Variants in GPHN observed in about 807,000 individuals in gnomAD.
The protein encoded by GPHN is gephyrin.
GPHN carries 17 observed loss-of-function variants against 95.5 expected under a neutral mutation model. The ratio of observed to expected loss-of-function variants is 0.18; its 90% CI spans 0.12 to 0.27. The LOEUF (loss-of-function observed/expected upper bound fraction) is 0.27. Ranked by LOEUF, GPHN falls within the 10% of genes least tolerant of loss-of-function variation. GPHN has a pLI of 1.00. For missense variants in GPHN, 660 were observed against 978.1 expected (o/e 0.67, Z 4.34); for synonymous variants, 320 against 322.5 (o/e 0.99, Z 0.08).
chr14:67,313,661 CATTT>C, the GPHN span, among the ~76,000 whole-genome samples: 2 of 152,080 alleles, frequency 1.3e-5, no homozygotes, highest in Non-Finnish European at 2.9e-5. Context: ...ATAATTCATC[CATTT>C]ATTTGTTAAT....
chr14:66,700,032 C>T (rs143334189), intron 2 of GPHN, among the ~76,000 whole-genome samples: 2 of 152,178 alleles, frequency 1.3e-5, no homozygotes, highest in East Asian at 1.9e-4. Context: ...CATATAGGAA[C>T]TTTTCCTTTT....
the GPHN span, among the ~76,000 whole-genome samples, chr14:67,432,790 C>A: frequency 2.0e-5 from 3 of 151,856 alleles, no homozygotes; most frequent in Non-Finnish European, 4.4e-5. Flanking sequence ...TGCCGGCAAC[C>A]TGGGTGGTCC....
At chr14:67,636,463 G>A in the GPHN span, among the ~76,000 whole-genome samples, 18 of 152,338 alleles carry the variant, frequency 1.2e-4, no homozygotes, top group Admixed American at 9.2e-4. Context: ...GTGTAGCACA[G>A]TGTGGTGTGT....
chr14:66,700,111 C>T (rs1244218777), intron 2 of GPHN, among the ~76,000 whole-genome samples: 1 of 152,036 alleles, frequency 6.6e-6, no homozygotes, highest in Non-Finnish European at 1.5e-5. Context: ...AATCTACTTA[C>T]AGAAAAATTT....
At chr14:67,522,253 C>A in the GPHN span, among the ~76,000 whole-genome samples, 1 of 152,162 alleles carries the variant, frequency 6.6e-6, no homozygotes, top group Non-Finnish European at 1.5e-5. Context: ...ATCCCCGTAC[C>A]CGCTCCTCTC....
chr14:67,358,681 C>A, the GPHN span, among the ~76,000 whole-genome samples: 5,213 of 152,182 alleles, frequency 0.034, 110 homozygotes, highest in East Asian at 0.06. Context: ...GCCTGGGAGA[C>A]CCTGTCTCTT....
At chr14:67,112,884 A>G in intron 15 of GPHN, 134 bp from the exon 16 acceptor site, 2 of 743,550 alleles carry the variant, frequency 2.7e-6, no homozygotes, top group Non-Finnish European at 4.7e-6. Flanking sequence ...CCTTCAATTC[A>G]TTGTTTTCCT....
intron 4 of GPHN, among the ~76,000 whole-genome samples, chr14:66,870,234 TAG>T (rs1370513269): frequency 2.6e-5 from 4 of 152,200 alleles, no homozygotes; most frequent in Non-Finnish European, 5.9e-5. Flanking sequence ...GTATCTAGCA[TAG>T]AGAGTCTGAC....
intron 9 of GPHN, among the ~76,000 whole-genome samples, chr14:66,978,166 T>C (rs952510126): frequency 6.6e-6 from 1 of 152,206 alleles, no homozygotes. Flanking sequence ...TCATAATCTT[T>C]TTGCTGGTAG....
chr14:67,513,358 C>T, the GPHN span, among the ~76,000 whole-genome samples: 1 of 152,222 alleles, frequency 6.6e-6, no homozygotes, highest in East Asian at 1.9e-4. Flanking sequence ...TTCTCTGGTG[C>T]AGTACCTGCA....
chr14:67,336,526 T>C, the GPHN span: 1 of 320,626 alleles, frequency 3.1e-6, no homozygotes, highest in Non-Finnish European at 6.2e-6. Context: ...TTGCTTTACA[T>C]TGAATTTACC....
chr14:66,899,774 C>T (rs2065039128), intron 5 of GPHN, among the ~76,000 whole-genome samples: 1 of 151,700 alleles, frequency 6.6e-6, no homozygotes, highest in South Asian at 2.1e-4. Flanking sequence ...TTAATACTGG[C>T]TTCATAAAAT....
chr14:67,234,611 G>A, the GPHN span, among the ~76,000 whole-genome samples: 2 of 152,192 alleles, frequency 1.3e-5, no homozygotes, highest in Non-Finnish European at 1.5e-5. Flanking sequence ...GTGCCGTGGT[G>A]CGATCTTGGC....
chr14:66,526,782 G>A (rs1240284186), intron 1 of GPHN, among the ~76,000 whole-genome samples: 1 of 152,152 alleles, frequency 6.6e-6, no homozygotes, highest in East Asian at 1.9e-4. Flanking sequence ...TACATTTATT[G>A]ATTTGTATAT....
chr14:66,742,908 C>T (rs2072916779), intron 2 of GPHN, among the ~76,000 whole-genome samples: 1 of 152,082 alleles, frequency 6.6e-6, no homozygotes, highest in South Asian at 2.1e-4. Context: ...ACCACAGGCG[C>T]ACACCGCCAT....
At chr14:67,188,982 C>T in the GPHN span, among the ~76,000 whole-genome samples, 9 of 152,040 alleles carry the variant, frequency 5.9e-5, no homozygotes, top group East Asian at 1.2e-3. Flanking sequence ...TGAGCCACTG[C>T]GCCCGGCCTC....
At chr14:67,462,218 G>A in the GPHN span, among the ~76,000 whole-genome samples, 1 of 152,234 alleles carries the variant, frequency 6.6e-6, no homozygotes, top group Non-Finnish European at 1.5e-5. Context: ...ATGATCACAG[G>A]TGATGGTCAC....
the GPHN span, chr14:67,473,918 C>T: frequency 4.4e-6 from 7 of 1,598,912 alleles, no homozygotes; most frequent in Non-Finnish European, 6.0e-6. This position sits in a 1 kb window ranked among gnomAD's most constrained non-coding sequence, Gnocchi z 6.5. Flanking sequence ...GCTCGGCAGA[C>T]GCCATGGCGC....
At chr14:66,931,212 T>C (rs1324502597) in intron 8 of GPHN, among the ~76,000 whole-genome samples, 1 of 152,210 alleles carries the variant, frequency 6.6e-6, no homozygotes, top group Non-Finnish European at 1.5e-5. Context: ...AGAAATCTGC[T>C]GCCAGACATA....
Sources: gnomAD v4.1 joint callset for allele counts (sites outside exome capture counted in the v4.1 genomes callset) on GRCh38, gnomAD v4.1.1 for gene constraint, Gnocchi (gnomAD v3.1) non-coding constraint, MANE v1.5 for transcripts, NCBI Gene and HGNC (gene_info 2026-07-23, HGNC 2026-07-21) for gene names.